LDB2: variants seen among roughly 807,000 people sequenced by gnomAD.
LDB2 encodes LIM domain-binding protein 2.
In LDB2, 12 loss-of-function variants were observed where a neutral mutation model predicts 44.3. The observed-to-expected ratio is 0.27, with a 90% CI of 0.17 to 0.44. The LOEUF (loss-of-function observed/expected upper bound fraction) is 0.44. Among genes scored for constraint, LDB2 ranks in the 20% least tolerant of loss-of-function variants. LDB2 has a pLI of 1.00. For missense variants in LDB2, 344 were observed against 473.5 expected (o/e 0.73, Z 2.54); for synonymous variants, 164 against 174.8 (o/e 0.94, Z 0.49).
chr4:16,605,066 A>C (rs1411951111), intron 2 of LDB2, among the ~76,000 whole-genome samples: 1 of 152,174 alleles, frequency 6.6e-6, no homozygotes, highest in Non-Finnish European at 1.5e-5. Flanking sequence ...AGGTCTTCAA[A>C]TGCAACTTTA....
chr4:16,526,096 G>T (rs1728150136), intron 5 of LDB2, among the ~76,000 whole-genome samples: 1 of 152,176 alleles, frequency 6.6e-6, no homozygotes, highest in Admixed American at 6.5e-5. Flanking sequence ...GTATTTCTGG[G>T]TATGTCCGAG....
At chr4:16,729,470 C>G (rs1444767972) in intron 2 of LDB2, among the ~76,000 whole-genome samples, 1 of 152,116 alleles carries the variant, frequency 6.6e-6, no homozygotes, top group Admixed American at 6.6e-5. Flanking sequence ...AAGTACAAAA[C>G]ACACCGGCTC....
chr4:16,598,997 G>A (rs1221449702), intron 2 of LDB2, among the ~76,000 whole-genome samples: 2 of 151,840 alleles, frequency 1.3e-5, no homozygotes, highest in Admixed American at 6.6e-5. Flanking sequence ...TAAACACTGA[G>A]AGAATAAAGA....
chr4:16,838,167 A>C (rs1050113665), intron 1 of LDB2, among the ~76,000 whole-genome samples: 3 of 152,206 alleles, frequency 2.0e-5, no homozygotes, highest in African/African-American at 7.2e-5. Flanking sequence ...TTTCCACAAC[A>C]TGGAGTTTTT....
rs1715096515 is a variant in LDB2 at position 16,582,480 on chromosome 4, C to T, written c.615+3442G>A. 6.6e-6 allele frequency among the ~76,000 whole-genome samples: 1 copy of T among 152,184 alleles called. No homozygotes were observed. Among genetic ancestry groups the T allele is most frequent in the South Asian group, 2.1e-4 (1 of 4,828 alleles). On this transcript the variant is annotated intron_variant, in intron 5 of 7. Transcript: ENST00000304523. The surrounding 1 kb of genome is among the most constrained non-coding windows in gnomAD (Gnocchi z 4.8). Reference sequence around the variant, plus strand: ...ATTTCCGAGTTCCTGGCTTGCTTCTCCCATTCTAGTGCTCAAGTTCCAGCA... The same window carrying T: ...ATTTCCGAGTTCCTGGCTTGCTTCTTCCATTCTAGTGCTCAAGTTCCAGCA...
At chr4:16,825,614 ACTG>A (rs980413005) in intron 1 of LDB2, among the ~76,000 whole-genome samples, 1 of 151,956 alleles carries the variant, frequency 6.6e-6, no homozygotes, top group Non-Finnish European at 1.5e-5. Flanking sequence ...TTTTTTTTAA[ACTG>A]AGCCCAGGTT....
intron 2 of LDB2, among the ~76,000 whole-genome samples, chr4:16,723,687 G>A (rs981007635): frequency 3.3e-5 from 5 of 152,108 alleles, no homozygotes; most frequent in Admixed American, 3.3e-4. Flanking sequence ...CCTTCTGGAT[G>A]TTTCTTGTCA....
intron 1 of LDB2, among the ~76,000 whole-genome samples, chr4:16,766,511 T>TA (rs1491277378): frequency 0.025 from 265 of 10,692 alleles, 1 homozygote; most frequent in South Asian, 0.22. Flanking sequence ...TGTGTATATA[T>TA]TTTTTTTTTT....
chr4:16,739,872 GT>G (rs916125618), intron 2 of LDB2, among the ~76,000 whole-genome samples: 31 of 148,682 alleles, frequency 2.1e-4, no homozygotes, highest in Admixed American at 1.0e-3. Flanking sequence ...TTATATGAGG[GT>G]TTTTTTTAAA....
intron 2 of LDB2, among the ~76,000 whole-genome samples, chr4:16,677,937 A>G (rs2152564939): frequency 6.6e-6 from 1 of 152,310 alleles, no homozygotes; most frequent in Middle Eastern, 3.4e-3. Context: ...GTTTCGGCAA[A>G]ATTTACATTG....
At position 16,502,787 on chromosome 4, in the gene LDB2, C is replaced by T. The variant is rs772704789; in HGVS notation, c.978G>A (p.Thr326=). The change falls in exon 8 of 8, where the codon ACG becomes ACA. Residue 326 remains threonine, a synonymous_variant. Coordinates refer to ENST00000304523, the MANE Select transcript of LDB2 (RefSeq NM_001290.5). ...DERLITRLEN[T]QYDAANGMDD... is the part of the protein sequence containing the mutation. ...CCATGCCGTTGGCCGCATCATATTG[C>T]GTGTTTTCTAATCTAGTGATTAGCC... The T allele has an allele frequency of 1.8e-5, 29 of 1,613,928 alleles. No homozygotes were observed. The highest frequency in any genetic ancestry group is 5.0e-5 in the Admixed American group (3 of 59,994).
At chr4:16,891,754 T>C (rs535858981) in intron 1 of LDB2, among the ~76,000 whole-genome samples, 4 of 152,330 alleles carry the variant, frequency 2.6e-5, no homozygotes, top group African/African-American at 9.6e-5. Context: ...TCTAGCAGAA[T>C]CAAGTTAGTG....
At chr4:16,891,237 A>G (rs951811415) in intron 1 of LDB2, among the ~76,000 whole-genome samples, 1 of 149,778 alleles carries the variant, frequency 6.7e-6, no homozygotes, top group Non-Finnish European at 1.5e-5. Flanking sequence ...AACCTTTTAG[A>G]TGACTATGCA....
At position 16,533,997 on chromosome 4, in the gene LDB2, T is replaced by C. The variant is rs898280638; in HGVS notation, c.616-21893A>G. On this transcript the variant is annotated intron_variant, in intron 5 of 7. Transcript: ENST00000304523. This position sits in a 1 kb window ranked among gnomAD's most constrained non-coding sequence, Gnocchi z 4.1. ...CATACCATACAGCATGTGAGGACTC[T>C]GCATTAATTACAGCAGCATAGCCTT... is the stretch of plus-strand genomic sequence containing the variant. Among the ~76,000 whole-genome samples, 14 of 152,182 alleles carry C rather than the reference T, an allele frequency of 9.2e-5. No individual in the cohort carries two copies. The highest frequency in any genetic ancestry group is 3.1e-4 in the African/African-American group (13 of 41,454).
At position 16,609,354 on chromosome 4, in the gene LDB2, G is replaced by GC. The variant is rs1553923633; in HGVS notation, c.236-13480_236-13479insG. Among the ~76,000 whole-genome samples, 6 of 149,138 alleles carry GC rather than the reference G, an allele frequency of 4.0e-5. No individual in the cohort carries two copies. The East Asian group carries it at 6.2e-4, about 15-fold the overall frequency. ...ACTGAACTCCCAGGGGAGGGGGCGG[G>GC]GGGGGGAGGGGAAGGGCAACCAGCT... is the stretch of plus-strand genomic sequence containing the variant. On this transcript the variant is annotated intron_variant, in intron 2 of 7. Coordinates refer to ENST00000304523, the MANE Select transcript of LDB2 (RefSeq NM_001290.5).
At chr4:16,735,651 C>T (rs1057196629) in intron 2 of LDB2, among the ~76,000 whole-genome samples, 12 of 151,914 alleles carry the variant, frequency 7.9e-5, no homozygotes, top group Non-Finnish European at 1.2e-4. Flanking sequence ...ACATCACCAG[C>T]GATGGCATGT....
chr4:16,862,845 C>T (rs1411552560), intron 1 of LDB2, among the ~76,000 whole-genome samples: 4 of 152,040 alleles, frequency 2.6e-5, no homozygotes, highest in Non-Finnish European at 5.9e-5. Flanking sequence ...CCTCCGCCCC[C>T]GAAGTCCAGC....
intron 1 of LDB2, among the ~76,000 whole-genome samples, chr4:16,787,718 A>G (rs1774769220): frequency 6.6e-6 from 1 of 152,190 alleles, no homozygotes; most frequent in African/African-American, 2.4e-5. Flanking sequence ...CAGTTCTACC[A>G]CTTAGAAGGC....
chr4:16,668,983 T>G (rs1217444147), intron 2 of LDB2, among the ~76,000 whole-genome samples: 1 of 152,226 alleles, frequency 6.6e-6, no homozygotes, highest in Non-Finnish European at 1.5e-5. Context: ...TTGGGTCACA[T>G]GCTCATCTCT....
Sources: gnomAD v4.1 joint callset for allele counts (sites outside exome capture counted in the v4.1 genomes callset) on GRCh38, gnomAD v4.1.1 for gene constraint, Gnocchi (gnomAD v3.1) non-coding constraint, MANE v1.5 for transcripts, NCBI Gene and HGNC (gene_info 2026-07-23, HGNC 2026-07-21) for gene names.